The following SCEL variants were observed in gnomAD, a reference collection of about 807,000 sequenced individuals.
The protein encoded by SCEL is sciellin.
A neutral mutation model predicts 117.6 loss-of-function variants in SCEL; 113 were observed. The ratio of observed to expected loss-of-function variants is 0.96; its 90% CI spans 0.83 to 1.12. The LOEUF (loss-of-function observed/expected upper bound fraction) is 1.12. SCEL is among the 50% of genes most tolerant of loss of function. SCEL has a pLI of 0.00. For synonymous variants in SCEL, 270 were observed against 256.2 expected, an observed-to-expected ratio of 1.05 and a Z score of -0.51; for missense variants, 785 against 810.8, an observed-to-expected ratio of 0.97 and a Z score of 0.39.
intron 27 of SCEL, among the ~76,000 whole-genome samples, chr13:77,626,643 CT>C (rs1306543572): frequency 1.3e-5 from 2 of 152,112 alleles, no homozygotes; most frequent in African/African-American, 2.4e-5. Context: ...GTGGTTCCCC[CT>C]GGCAGCCTTA....
At chr13:77,620,744 G>A (rs1025159594) in intron 27 of SCEL, among the ~76,000 whole-genome samples, 11 of 151,954 alleles carry the variant, frequency 7.2e-5, no homozygotes, top group Admixed American at 3.3e-4. Context: ...ATATTGAAAA[G>A]CATCTAGTGA....
chr13:77,591,538 G>C, intron 11 of SCEL, 78 bp downstream of exon 11: 1 of 812,962 alleles, frequency 1.2e-6, no homozygotes, highest in South Asian at 1.7e-5. Context: ...AAAAATGCAA[G>C]GCAATTAATA....
intron 29 of SCEL, among the ~76,000 whole-genome samples, chr13:77,635,921 C>T (rs2090257286): frequency 6.6e-6 from 1 of 152,180 alleles, no homozygotes; most frequent in East Asian, 1.9e-4. Context: ...GCAGCTCAGG[C>T]CCAGCAACCT....
chr13:77,597,923 A>G (rs1470174405), intron 13 of SCEL, among the ~76,000 whole-genome samples: 2 of 152,048 alleles, frequency 1.3e-5, no homozygotes, highest in Admixed American at 1.3e-4. Flanking sequence ...TAGTTTAACC[A>G]TTACAAAAAA....
chr13:77,641,241 G>A (rs1022718636), intron 31 of SCEL, among the ~76,000 whole-genome samples: 3 of 152,136 alleles, frequency 2.0e-5, no homozygotes, highest in Admixed American at 2.0e-4. Context: ...ATAATTAGTG[G>A]TAATTAATTG....
At chr13:77,623,715 C>T (rs2089551647) in intron 27 of SCEL, among the ~76,000 whole-genome samples, 1 of 152,096 alleles carries the variant, frequency 6.6e-6, no homozygotes, top group Non-Finnish European at 1.5e-5. Flanking sequence ...ATTCTTTCTC[C>T]CCCTCATGAA....
In SCEL at chr13:77,565,569, A is replaced by T. The variant is rs375918517; in HGVS notation, c.290+1670A>T. ...TTAGTAAAGAAAGGCAAGTCCTGTT[A>T]GCAGGAGCTGAACTTCTGTAATACA... On this transcript the variant is annotated intron_variant, in intron 5 of 32. Coordinates refer to ENST00000349847, the MANE Select transcript of SCEL (RefSeq NM_144777.3). Among the ~76,000 whole-genome samples the T allele has an allele frequency of 4.6e-5, 7 of 152,368 alleles. No homozygotes were observed. In the East Asian group the frequency reaches 1.3e-3, roughly 29 times the overall value.
At chr13:77,572,065 C>A in intron 8 of SCEL, 59 bp from the exon 9 acceptor site, 1 of 1,373,502 alleles carries the variant, frequency 7.3e-7, no homozygotes, top group Non-Finnish European at 1.0e-6. Flanking sequence ...TATTTTCAGA[C>A]ATGTGGGTGG....
chr13:77,603,228 A>G, intron 18 of SCEL, 93 bp downstream of exon 18: 1 of 683,476 alleles, frequency 1.5e-6, no homozygotes, highest in Non-Finnish European at 2.4e-6. Context: ...ATCGTGTTTT[A>G]TTAGCATGGA....
chr13:77,609,381 T>C (rs2088471915), intron 21 of SCEL, among the ~76,000 whole-genome samples: 1 of 152,214 alleles, frequency 6.6e-6, no homozygotes, highest in Non-Finnish European at 1.5e-5. Flanking sequence ...ATTATTTTTC[T>C]TAAGCAGAAG....
chr13:77,616,004 C>CTGTGTGTGTGTG (rs1169054133), intron 24 of SCEL, among the ~76,000 whole-genome samples: 29 of 114,238 alleles, frequency 2.5e-4, no homozygotes, highest in African/African-American at 1.1e-3. Context: ...TTATGTCTCT[C>CTGTGTGTGTGTG]TGTGTGTGTG....
intron 23 of SCEL, among the ~76,000 whole-genome samples, 167 bp downstream of exon 23, chr13:77,613,108 C>A (rs1172922699): frequency 6.6e-6 from 1 of 151,972 alleles, no homozygotes; most frequent in Non-Finnish European, 1.5e-5. Flanking sequence ...TTATTGCTTT[C>A]ATTAATTTCA....
intron 24 of SCEL, among the ~76,000 whole-genome samples, chr13:77,614,415 C>T (rs1004580873): frequency 2.8e-4 from 43 of 152,086 alleles, no homozygotes; most frequent in African/African-American, 9.9e-4. Flanking sequence ...TTATGAGGTT[C>T]ATTATTCTTT....
chr13:77,631,302 A>G (rs937970867), intron 28 of SCEL, among the ~76,000 whole-genome samples: 1 of 152,240 alleles, frequency 6.6e-6, no homozygotes, highest in Non-Finnish European at 1.5e-5. Flanking sequence ...CTTATTGTCA[A>G]TGAAGATACA....
intron 9 of SCEL, among the ~76,000 whole-genome samples, chr13:77,583,022 C>T (rs1351249713): frequency 6.6e-6 from 1 of 152,178 alleles, no homozygotes; most frequent in Non-Finnish European, 1.5e-5. Context: ...TTTGTATCTA[C>T]TGACCAATAA....
At chr13:77,566,545 A>G (rs909766078) in intron 5 of SCEL, among the ~76,000 whole-genome samples, 1 of 152,130 alleles carries the variant, frequency 6.6e-6, no homozygotes, top group African/African-American at 2.4e-5. Flanking sequence ...AATGATTAAA[A>G]TCTCTAATGA....
intron 10 of SCEL, among the ~76,000 whole-genome samples, chr13:77,590,127 A>C (rs528006892): frequency 6.0e-4 from 92 of 152,252 alleles, no homozygotes; most frequent in African/African-American, 1.9e-3. Flanking sequence ...AGACACAACC[A>C]TAGAACTACT....
chr13:77,543,371 C>G (rs1157381935), intron 1 of SCEL, among the ~76,000 whole-genome samples: 1 of 152,212 alleles, frequency 6.6e-6, no homozygotes, highest in Admixed American at 6.5e-5. Flanking sequence ...GCGTGAGCCA[C>G]CGCGCCCGGC....
intron 9 of SCEL, among the ~76,000 whole-genome samples, chr13:77,578,907 A>G (rs2086109973): frequency 3.9e-5 from 6 of 152,194 alleles, no homozygotes; most frequent in Admixed American, 3.9e-4. Flanking sequence ...TAGGTTTGGG[A>G]ATGAACCCAA....
Sources: allele counts gnomAD v4.1 joint callset (sites outside exome capture counted in the v4.1 genomes callset), GRCh38; gene constraint gnomAD v4.1.1; transcripts MANE v1.5; gene names NCBI Gene and HGNC (gene_info 2026-07-23, HGNC 2026-07-21).